The following NUP43 variants were observed in gnomAD, a reference collection of about 807,000 sequenced individuals.
NUP43 encodes nucleoporin Nup43.
Under a neutral mutation model 47.3 loss-of-function variants are expected in NUP43, and 32 were observed. The ratio of observed to expected loss-of-function variants is 0.68; its 90% CI spans 0.51 to 0.91. The LOEUF (loss-of-function observed/expected upper bound fraction) is 0.91. Ranked by LOEUF, NUP43 falls within the 40% of genes least tolerant of loss-of-function variation. The pLI, the probability that NUP43 is intolerant of heterozygous loss-of-function variation, is 0.00. For missense variants in NUP43, 444 were observed against 453.9 expected, an observed-to-expected ratio of 0.98 and a Z score of 0.20; for synonymous variants, 147 against 158.4, an observed-to-expected ratio of 0.93 and a Z score of 0.54.
chr6:149,741,852 A>G (rs1247934516), intron 4 of NUP43, among the ~76,000 whole-genome samples: 2 of 151,728 alleles, frequency 1.3e-5, no homozygotes, highest in Non-Finnish European at 1.5e-5. Flanking sequence ...GATGGATGAA[A>G]GGAGTACAAT....
In NUP43 at chr6:149,726,677, C is replaced by A; in HGVS notation, c.*292G>T. 1 of 386,082 alleles carries A rather than the reference C, an allele frequency of 2.6e-6. No homozygotes were observed. The highest frequency in any genetic ancestry group is 2.0e-5 in the African/African-American group (1 of 49,278). 23.9% of individuals were successfully genotyped at this position (386,082 alleles called of 1,614,324 possible). On this transcript the variant is annotated 3_prime_UTR_variant, in exon 8 of 8. Coordinates refer to ENST00000340413, the MANE Select transcript of NUP43 (RefSeq NM_198887.3). The stretch of plus-strand genomic sequence containing the variant: ...CAACATCAAAAATAAAGAATTAGTT[C>A]CACAAGCTGTCTGTCAATAATACTC...
At position 149,727,086 on chromosome 6, in the gene NUP43, G is replaced by A. The variant is rs1784822386; in HGVS notation, c.1026C>T (p.Ile342=). 1.5e-5 allele frequency: 24 copies of A among 1,614,054 alleles called. No individual in the cohort carries two copies. The highest frequency in any genetic ancestry group is 1.9e-5 in the Non-Finnish European group (23 of 1,180,018). The change falls in exon 8 of 8, where the codon ATC becomes ATT. Residue 342 remains isoleucine (I), a synonymous_variant. Coordinates refer to ENST00000340413, the MANE Select transcript of NUP43 (RefSeq NM_198887.3). ...GAGACCTACTGGGAAGTAAGCTTGT[G>A]ATTTCAATTCGGTCTTTTGCAGGAT... ...STDPAKDRIE[I]TSLLPSRSLS...
intron 2 of NUP43, among the ~76,000 whole-genome samples, chr6:149,745,405 A>G (rs959127576): frequency 1.3e-4 from 19 of 151,722 alleles, no homozygotes; most frequent in African/African-American, 4.3e-4. Flanking sequence ...ATCTTGGAAA[A>G]AAAAAAAAAA....
Position 149,745,005 on chromosome 6 carries a change from A to G in NUP43, c.243+935T>C, listed in dbSNP as rs146996873. ...CAACCTCTGCGCCCGGGTTCAAGCGATTCTCCTGCCTCAGACTCCAGAGTA... is the reference window on the plus strand; with the variant it reads ...CAACCTCTGCGCCCGGGTTCAAGCGGTTCTCCTGCCTCAGACTCCAGAGTA... On this transcript the variant is annotated intron_variant, in intron 2 of 7. Transcript: ENST00000340413. Among the ~76,000 whole-genome samples the G allele has an allele frequency of 1.8e-3, 275 of 150,176 alleles. 1 individual carries two copies. The highest frequency in any genetic ancestry group is 6.3e-3 in the African/African-American group (261 of 41,150).
intron 4 of NUP43, among the ~76,000 whole-genome samples, chr6:149,740,536 G>A (rs772732023): frequency 3.3e-5 from 5 of 152,088 alleles, no homozygotes; most frequent in Non-Finnish European, 5.9e-5. Context: ...GGCTGAGGCT[G>A]GAGAATCGCG....
rs929958300 is a variant in NUP43 at position 149,745,836 on chromosome 6, C to G, written c.243+104G>C. On this transcript the variant is annotated intron_variant, in intron 2 of 7. Coordinates refer to ENST00000340413, the MANE Select transcript of NUP43 (RefSeq NM_198887.3). ...CATAACTTACAGAGCACTCAGTTTT[C>G]TGTAAACGAGGGGTGACACCAGACA... 6.0e-6 allele frequency: 6 copies of G among 1,005,294 alleles called. No individual in the cohort carries two copies. The African/African-American group carries it at 9.8e-5, about 16-fold the overall frequency. The allele number at this position is 1,005,294 out of a possible 1,614,324, so 62.3% of individuals were successfully genotyped here.
chr6:149,738,270 C>T (rs938364522), intron 5 of NUP43, among the ~76,000 whole-genome samples: 4 of 152,008 alleles, frequency 2.6e-5, no homozygotes, highest in East Asian at 1.9e-4. Context: ...TATTTTCTTA[C>T]GAGAGAACGT....
At chr6:149,734,207 T>C (rs1315265081) in intron 6 of NUP43, among the ~76,000 whole-genome samples, 1 of 152,056 alleles carries the variant, frequency 6.6e-6, no homozygotes, top group African/African-American at 2.4e-5. Context: ...TAGTGGCATA[T>C]ACCTGTAGTC....
Position 149,738,744 on chromosome 6 carries a change from G to T in NUP43, c.537C>A (p.Thr179=). 1 of 1,589,996 alleles carries T rather than the reference G, an allele frequency of 6.3e-7. No homozygotes were observed. The highest frequency in any genetic ancestry group is 8.6e-7 in the Non-Finnish European group (1 of 1,169,410). ...TAAGAATCTCAGGAGTTCGAAGAAA[G>T]GTTACAGCATGGAGTGTACTACTAT... ...NADSSTLHAV[T]FLRTPEILTV... is the part of the protein sequence containing the mutation. The change falls in exon 5 of 8, where the codon ACC becomes ACA. Residue 179 remains threonine, a synonymous_variant. Coordinates refer to ENST00000340413, the MANE Select transcript of NUP43 (RefSeq NM_198887.3).
At chr6:149,740,139 G>C (rs1003244416) in intron 4 of NUP43, among the ~76,000 whole-genome samples, 9 of 151,956 alleles carry the variant, frequency 5.9e-5, no homozygotes, top group Non-Finnish European at 1.0e-4. Flanking sequence ...AGCTGGGCAT[G>C]GTGGTGTGCA....
At chr6:149,736,073 T>C (rs1287047657) in intron 6 of NUP43, among the ~76,000 whole-genome samples, 5 of 147,436 alleles carry the variant, frequency 3.4e-5, no homozygotes, top group Non-Finnish European at 7.4e-5. Flanking sequence ...AGGTCAGGAG[T>C]TCAAGACCAG....
At chr6:149,746,794 T>G, upstream of NUP43, 5 of 1,014,848 alleles carry the variant, frequency 4.9e-6, no homozygotes, top group Non-Finnish European at 6.6e-6. Context: ...AGTGTAAAAT[T>G]TAAGTGCAAA....
In NUP43 at chr6:149,739,297, T is replaced by G. The variant is rs537863302; in HGVS notation, c.503-519A>C. Among the ~76,000 whole-genome samples the G allele has an allele frequency of 2.0e-5, 3 of 151,878 alleles. No homozygotes were observed. The South Asian group carries it at 6.2e-4, about 32-fold the overall frequency. On this transcript the variant is annotated intron_variant, in intron 4 of 7. Transcript: ENST00000340413. ...CTGGCCTACTGTTTTCTTTTTCTTT[T>G]TGTTTTTTGAGATGGATCTCGCTCT...
upstream of NUP43, among the ~76,000 whole-genome samples, chr6:149,748,432 C>T (rs965426667): frequency 6.6e-6 from 1 of 152,220 alleles, no homozygotes; most frequent in Non-Finnish European, 1.5e-5. Context: ...GCCAGTGTCA[C>T]ATTTTACAAA....
Position 149,746,492 on chromosome 6 carries a change from C to T in NUP43, c.4G>A (p.Glu2Lys). 2 of 1,614,200 alleles carry T rather than the reference C, an allele frequency of 1.2e-6. No homozygotes were observed. Among genetic ancestry groups the T allele is most frequent in the Non-Finnish European group, 1.7e-6 (2 of 1,180,032 alleles). The change falls in exon 1 of 8, where the codon GAG becomes AAG. Residue 2 changes from glutamate (E) to lysine (K), a missense_variant. Coordinates refer to ENST00000340413, the MANE Select transcript of NUP43 (RefSeq NM_198887.3). ...GACACAAACTTCGCATAAATTTCCT[C>T]CATGCCGAAAGCGGCCGCAGCAGGT... M[E>K]EIYAKFVSQK...
At chr6:149,745,070 T>A (rs947295204) in intron 2 of NUP43, among the ~76,000 whole-genome samples, 1 of 151,072 alleles carries the variant, frequency 6.6e-6, no homozygotes, top group South Asian at 2.1e-4. Context: ...GGTAGCTTTC[T>A]ATGGAAAATG....
rs1000521869 is a variant in NUP43, at chr6:149,724,389, C to T, written c.*2580G>A. The T allele has an allele frequency of 2.0e-5, 3 of 151,986 alleles. No homozygotes were observed. The highest frequency in any genetic ancestry group is 4.4e-5 in the Non-Finnish European group (3 of 68,020). 9.4% of individuals were successfully genotyped at this position (151,986 alleles called of 1,614,324 possible). A position where few individuals can be genotyped will look rare whatever the true frequency, so the allele number is the denominator to read the frequency against. On this transcript the variant is annotated 3_prime_UTR_variant, in exon 8 of 8. Transcript: ENST00000340413. ...AAAGCGTCCCAACACAAAGCAGATT[C>T]GAACATAACAACTGGTGATTGGCTC...
chr6:149,741,905 G>A (rs1332782468), intron 4 of NUP43, among the ~76,000 whole-genome samples: 2 of 151,680 alleles, frequency 1.3e-5, no homozygotes, highest in Non-Finnish European at 2.9e-5. Flanking sequence ...TGTCACCCAG[G>A]TGGGACTGCA....
intron 6 of NUP43, among the ~76,000 whole-genome samples, chr6:149,735,542 C>A (rs994429181): frequency 2.3e-5 from 3 of 130,906 alleles, no homozygotes; most frequent in Non-Finnish European, 4.6e-5. Context: ...CTGCAATGAG[C>A]TATGATCACA....
Sources: allele counts gnomAD v4.1 joint callset (sites outside exome capture counted in the v4.1 genomes callset), GRCh38; gene constraint gnomAD v4.1.1; transcripts MANE v1.5; gene names NCBI Gene and HGNC (gene_info 2026-07-23, HGNC 2026-07-21).